Variants in FRMPD4 observed in about 807,000 individuals in gnomAD.
The protein encoded by FRMPD4 is FERM and PDZ domain containing 4.
Under a neutral mutation model 94.1 loss-of-function variants are expected in FRMPD4, and 22 were observed. That is an observed-to-expected ratio of 0.23 (90% CI 0.17 to 0.33). The LOEUF (loss-of-function observed/expected upper bound fraction) is 0.33. Ranked by LOEUF, FRMPD4 falls within the 10% of genes least tolerant of loss-of-function variation. The pLI is 1.00. For synonymous variants in FRMPD4, 631 were observed against 548.6 expected (o/e 1.15, Z -2.10); for missense variants, 1,111 against 1,339.9 (o/e 0.83, Z 2.67).
chrX:12,031,908 G>C (rs1480294130), intron 3 of FRMPD4, among the ~76,000 whole-genome samples: 1 of 111,538 alleles, frequency 9.0e-6, no homozygotes, highest in Non-Finnish European at 1.9e-5. Flanking sequence ...GAGGTGACAA[G>C]ATATGGACAC....
chrX:12,342,161 C>G (rs893279025), intron 1 of FRMPD4, among the ~76,000 whole-genome samples: 1 of 111,935 alleles, frequency 8.9e-6, no homozygotes, highest in Non-Finnish European at 1.9e-5. Context: ...TTGGAGCTAG[C>G]TACAATACAA....
intron 3 of FRMPD4, among the ~76,000 whole-genome samples, chrX:11,971,698 C>A (rs2054341012): frequency 8.9e-6 from 1 of 112,136 alleles, no homozygotes; most frequent in East Asian, 2.8e-4. Flanking sequence ...ATTGGAGTCA[C>A]CCCAGCTCTA....
At chrX:12,004,064 A>T (rs1464747243) in intron 3 of FRMPD4, among the ~76,000 whole-genome samples, 1 of 111,501 alleles carries the variant, frequency 9.0e-6, no homozygotes. Context: ...TCATAGAATG[A>T]CATGGTGGGT....
At chrX:12,216,506 C>T (rs1381021987) in intron 1 of FRMPD4, among the ~76,000 whole-genome samples, 1 of 111,778 alleles carries the variant, frequency 8.9e-6, no homozygotes, top group East Asian at 2.8e-4. Flanking sequence ...CAGGCCATAC[C>T]TATCACCAAT....
At chrX:12,444,038 C>A (rs763421524) in intron 1 of FRMPD4, among the ~76,000 whole-genome samples, 1 of 111,296 alleles carries the variant, frequency 9.0e-6, no homozygotes, top group African/African-American at 3.3e-5. Context: ...GTTTTCGGTT[C>A]CTTCAGGTCT....
intron 1 of FRMPD4, among the ~76,000 whole-genome samples, chrX:12,155,581 C>CA (rs60727413): frequency 0.18 from 3,864 of 21,887 alleles, 808 homozygotes; most frequent in African/African-American, 0.2. Flanking sequence ...CATATCCTCA[C>CA]AAAAAAAAAA....
intron 3 of FRMPD4, among the ~76,000 whole-genome samples, chrX:11,885,199 A>T (rs978325001): frequency 1.6e-4 from 18 of 112,214 alleles, no homozygotes; most frequent in Non-Finnish European, 3.4e-4. Flanking sequence ...TTCAGCCATT[A>T]AAAGGAAGGA....
chrX:12,507,604 T>C (rs1209771653), intron 2 of FRMPD4, among the ~76,000 whole-genome samples: 1 of 112,053 alleles, frequency 8.9e-6, no homozygotes, highest in Non-Finnish European at 1.9e-5. Flanking sequence ...GTTTTATGTT[T>C]GAAAGAAACT....
At chrX:12,087,158 T>C (rs893425521) in intron 3 of FRMPD4, among the ~76,000 whole-genome samples, 7 of 111,179 alleles carry the variant, frequency 6.3e-5, no homozygotes, top group Admixed American at 3.8e-4. Flanking sequence ...GTCTCACTTA[T>C]ACTCAAGGGG....
At chrX:12,634,810 T>A (rs1020434065) in intron 4 of FRMPD4, among the ~76,000 whole-genome samples, 13 of 105,364 alleles carry the variant, frequency 1.2e-4, no homozygotes, top group Admixed American at 5.2e-4. Flanking sequence ...CTTTTCTCTA[T>A]GAAGTCCATC....
At chrX:12,284,898 G>A (rs2054578490) in intron 1 of FRMPD4, among the ~76,000 whole-genome samples, 2 of 111,913 alleles carry the variant, frequency 1.8e-5, no homozygotes, top group South Asian at 3.8e-4. Context: ...TCTCATCTGC[G>A]AAATGGGGAA....
At chrX:12,003,437 A>G (rs1384585265) in intron 3 of FRMPD4, among the ~76,000 whole-genome samples, 3 of 109,825 alleles carry the variant, frequency 2.7e-5, no homozygotes, top group African/African-American at 1.0e-4. Flanking sequence ...TTTTTAAGAC[A>G]AAGTCTTGTT....
intron 2 of FRMPD4, among the ~76,000 whole-genome samples, chrX:11,870,256 G>A (rs1389737729): frequency 9.0e-6 from 1 of 111,710 alleles, no homozygotes; most frequent in South Asian, 3.8e-4. Context: ...CCCAAATTCG[G>A]GAAATTATCA....
intron 1 of FRMPD4, among the ~76,000 whole-genome samples, chrX:12,313,737 ACTT>A (rs1441537152): frequency 1.8e-4 from 20 of 111,169 alleles, no homozygotes; most frequent in African/African-American, 6.2e-4. Flanking sequence ...TTAATAACCA[ACTT>A]CTTTAAATTT....
chrX:12,524,417 A>C (rs1250835219), intron 2 of FRMPD4, among the ~76,000 whole-genome samples: 2 of 111,772 alleles, frequency 1.8e-5, no homozygotes, highest in Non-Finnish European at 3.8e-5. Flanking sequence ...AGTCCAAAAC[A>C]ATGGCCTCCT....
At chrX:11,852,566 T>C (rs748932174) in intron 1 of FRMPD4, among the ~76,000 whole-genome samples, 1 of 111,711 alleles carries the variant, frequency 9.0e-6, no homozygotes, top group Non-Finnish European at 1.9e-5. Context: ...GAATTCTCTG[T>C]GTGTACTTTA....
intron 1 of FRMPD4, among the ~76,000 whole-genome samples, chrX:12,241,969 GGAA>G (rs1230094133): frequency 8.9e-5 from 9 of 101,325 alleles, no homozygotes; most frequent in Admixed American, 6.9e-4. Context: ...AGGAGGAGGA[GGAA>G]GAGGAAGAGG....
At position 12,344,051 on chromosome X, in the gene FRMPD4, A is replaced by G. The variant is rs148199626; in HGVS notation, c.42-154629A>G. Among the ~76,000 whole-genome samples the G allele has an allele frequency of 7.7e-3, 857 of 111,785 alleles. 7 individuals carry two copies. Among genetic ancestry groups the G allele is most frequent in the Admixed American group, 0.042 (447 of 10,540 alleles). On this transcript the variant is annotated intron_variant, in intron 1 of 16. Coordinates refer to ENST00000675598, the MANE Select transcript of FRMPD4 (RefSeq NM_001368397.1). ...GTTGTTTGGAAGAGCAGTTGCCCCA[A>G]ATGGGCTTTGAATTGGCTTCTGTTA...
intron 1 of FRMPD4, among the ~76,000 whole-genome samples, chrX:12,263,795 A>G (rs370602152): frequency 7.2e-5 from 8 of 111,074 alleles, no homozygotes; most frequent in African/African-American, 2.6e-4. Context: ...ACTTGAAAAA[A>G]AAAAAAATTT....
Sources: gnomAD v4.1 joint callset for allele counts (sites outside exome capture counted in the v4.1 genomes callset) on GRCh38, gnomAD v4.1.1 for gene constraint, MANE v1.5 for transcripts, NCBI Gene and HGNC (gene_info 2026-07-23, HGNC 2026-07-21) for gene names.